IMPG1: variants seen among roughly 807,000 people sequenced by gnomAD.
The protein encoded by IMPG1 is interphotoreceptor matrix proteoglycan 1.
Under a neutral mutation model 92.0 loss-of-function variants are expected in IMPG1, and 85 were observed. The observed-to-expected ratio is 0.92, with a 90% CI of 0.78 to 1.11. The LOEUF (loss-of-function observed/expected upper bound fraction) is 1.11. Ranked by LOEUF, IMPG1 falls within the 50% of genes least tolerant of loss-of-function variation. The pLI, the probability that IMPG1 is intolerant of heterozygous loss-of-function variation, is 0.00. For synonymous variants in IMPG1, 367 were observed against 334.1 expected, an observed-to-expected ratio of 1.10 and a Z score of -1.08; for missense variants, 1,022 against 956.0, an observed-to-expected ratio of 1.07 and a Z score of -0.91.
chr6:76,017,957 T>C (rs574068535), intron 7 of IMPG1, among the ~76,000 whole-genome samples: 164 of 152,292 alleles, frequency 1.1e-3, no homozygotes, highest in Non-Finnish European at 1.9e-3. Flanking sequence ...TTTGCCATGT[T>C]GGCCAGGCTG....
At position 75,951,029 on chromosome 6, in the gene IMPG1, C is replaced by G; in HGVS notation, c.1357G>C (p.Ala453Pro). 1.9e-6 allele frequency: 3 copies of G among 1,613,544 alleles called. No individual in the cohort carries two copies. Among genetic ancestry groups the G allele is most frequent in the Non-Finnish European group, 1.7e-6 (2 of 1,179,722 alleles). The change falls in exon 13 of 17, where the codon GCA becomes CCA. Residue 453 changes from alanine to proline, a missense_variant. Coordinates refer to ENST00000369950, the MANE Select transcript of IMPG1 (RefSeq NM_001563.4). ...TCAGTCAGAGAGAAGATGCTTGATG[C>G]CATAAAGAAAGGTGGAGCTTCTGAC... The part of the protein sequence containing the change: ...SLSEAPPFFM[A>P]SSIFSLTDQG...
At chr6:76,023,941 G>A (rs544837679) in intron 5 of IMPG1, among the ~76,000 whole-genome samples, 4 of 151,952 alleles carry the variant, frequency 2.6e-5, no homozygotes, top group Non-Finnish European at 4.4e-5. Flanking sequence ...AGTACAAAAC[G>A]TCTTTTTACA....
intron 8 of IMPG1, 87 bp from the exon 9 acceptor site, chr6:76,007,587 T>A: frequency 1.1e-6 from 1 of 889,608 alleles, no homozygotes; most frequent in Non-Finnish European, 1.7e-6. Flanking sequence ...TTATTTTATA[T>A]ACAAAAGAAA....
chr6:76,050,579 G>A (rs1259068826), intron 1 of IMPG1, among the ~76,000 whole-genome samples: 3 of 152,196 alleles, frequency 2.0e-5, no homozygotes, highest in Non-Finnish European at 4.4e-5. Context: ...CATCCCTGAA[G>A]ACATAGGCCA....
At chr6:75,922,790 A>T (rs1414573530) in intron 16 of IMPG1, among the ~76,000 whole-genome samples, 1 of 152,158 alleles carries the variant, frequency 6.6e-6, no homozygotes, top group Non-Finnish European at 1.5e-5. Context: ...AGTGGCACAC[A>T]TTCCCAGTGT....
intron 12 of IMPG1, among the ~76,000 whole-genome samples, chr6:75,965,909 A>G (rs907347190): frequency 6.6e-6 from 1 of 152,002 alleles, no homozygotes; most frequent in African/African-American, 2.4e-5. Context: ...GCCCAGCCAC[A>G]CACTTGTTCT....
intron 1 of IMPG1, among the ~76,000 whole-genome samples, chr6:76,069,465 A>C (rs955813781): frequency 1.3e-5 from 2 of 152,184 alleles, no homozygotes; most frequent in African/African-American, 4.8e-5. Context: ...AAATATTGGC[A>C]AATTATGTAC....
At chr6:75,935,766 G>A (rs190969360) in intron 14 of IMPG1, among the ~76,000 whole-genome samples, 6 of 152,196 alleles carry the variant, frequency 3.9e-5, no homozygotes, top group African/African-American at 1.4e-4. Context: ...AATGCAACCC[G>A]TACTGGATTA....
At chr6:76,036,734 T>C (rs533587474) in intron 2 of IMPG1, among the ~76,000 whole-genome samples, 1 of 152,186 alleles carries the variant, frequency 6.6e-6, no homozygotes, top group Non-Finnish European at 1.5e-5. Flanking sequence ...CATTTCCTAC[T>C]GTTAAGAAGA....
intron 2 of IMPG1, among the ~76,000 whole-genome samples, chr6:76,037,339 C>T (rs995438417): frequency 3.9e-5 from 6 of 152,142 alleles, no homozygotes; most frequent in Non-Finnish European, 8.8e-5. Context: ...ATGAGTAACC[C>T]ACAAAGACAG....
In IMPG1 at chr6:75,970,082, T is replaced by A. The variant is rs141831486; in HGVS notation, c.1292-18988A>T. On this transcript the variant is annotated intron_variant, in intron 12 of 16. Coordinates refer to ENST00000369950, the MANE Select transcript of IMPG1 (RefSeq NM_001563.4). ...GATAGAAGGATAGGATAATAAACTA[T>A]TATTTATTTGGCACCTTTATGTTCT... 7.9e-5 allele frequency among the ~76,000 whole-genome samples: 12 copies of A among 152,290 alleles called. No homozygotes were observed. In the East Asian group the frequency reaches 2.3e-3, roughly 29 times the overall value.
At chr6:76,053,986 T>A (rs1452255675) in intron 1 of IMPG1, among the ~76,000 whole-genome samples, 1 of 152,158 alleles carries the variant, frequency 6.6e-6, no homozygotes, top group Non-Finnish European at 1.5e-5. Flanking sequence ...AACTTTTGGA[T>A]GGATAAGGAC....
At chr6:75,990,875 A>G (rs1782803248) in intron 12 of IMPG1, among the ~76,000 whole-genome samples, 1 of 152,172 alleles carries the variant, frequency 6.6e-6, no homozygotes, top group South Asian at 2.1e-4. Flanking sequence ...CCAATCCATT[A>G]CAGATATTCT....
Position 76,026,359 on chromosome 6 carries a change from C to T in IMPG1, c.498-1101G>A, listed in dbSNP as rs937501518. Among the ~76,000 whole-genome samples, 7 of 152,184 alleles carry T rather than the reference C, an allele frequency of 4.6e-5. No individual in the cohort carries two copies. The East Asian group carries it at 7.7e-4, about 17-fold the overall frequency. On this transcript the variant is annotated intron_variant, in intron 4 of 16. Coordinates refer to ENST00000369950, the MANE Select transcript of IMPG1 (RefSeq NM_001563.4). Reference sequence around the variant, plus strand: ...AGTGAAATGGGGACTCAAATCCTCTCGCTGTTGCTTCTAAGCCTTTTCATC... The same window carrying T: ...AGTGAAATGGGGACTCAAATCCTCTTGCTGTTGCTTCTAAGCCTTTTCATC...
At chr6:76,004,650 G>C (rs910490947) in intron 10 of IMPG1, among the ~76,000 whole-genome samples, 3 of 152,106 alleles carry the variant, frequency 2.0e-5, no homozygotes, top group African/African-American at 7.2e-5. Flanking sequence ...AAGTGTGCCT[G>C]ATGATCTTGT....
chr6:75,973,128 C>T (rs1782450228), intron 12 of IMPG1, among the ~76,000 whole-genome samples: 2 of 151,406 alleles, frequency 1.3e-5, no homozygotes, highest in Non-Finnish European at 2.9e-5. Context: ...CGGGGACATA[C>T]TATCATGCCT....
intron 2 of IMPG1, among the ~76,000 whole-genome samples, chr6:76,038,690 A>C (rs2149489305): frequency 6.6e-6 from 1 of 152,336 alleles, no homozygotes; most frequent in Non-Finnish European, 1.5e-5. Flanking sequence ...AGGGACTGCC[A>C]CAGTGATTCT....
intron 5 of IMPG1, among the ~76,000 whole-genome samples, chr6:76,023,582 A>G (rs1562373915): frequency 1.3e-5 from 2 of 152,128 alleles, no homozygotes; most frequent in Non-Finnish European, 2.9e-5. Flanking sequence ...ACATTTCCCA[A>G]TCAAAATCTA....
chr6:75,962,784 T>A (rs1418442834), intron 12 of IMPG1, among the ~76,000 whole-genome samples: 2 of 152,226 alleles, frequency 1.3e-5, no homozygotes, highest in African/African-American at 4.8e-5. Flanking sequence ...CTCATGCCTG[T>A]AACCCCAGCA....
Sources: gnomAD v4.1 joint callset for allele counts (sites outside exome capture counted in the v4.1 genomes callset) on GRCh38, gnomAD v4.1.1 for gene constraint, MANE v1.5 for transcripts, NCBI Gene and HGNC (gene_info 2026-07-23, HGNC 2026-07-21) for gene names.